Variants in SLC22A23 observed in about 807,000 individuals in gnomAD.
SLC22A23 encodes the protein ion transporter protein.
SLC22A23 carries 26 observed loss-of-function variants against 61.0 expected under a neutral mutation model. The ratio of observed to expected loss-of-function variants is 0.43; its 90% CI spans 0.31 to 0.59. The LOEUF (loss-of-function observed/expected upper bound fraction) is 0.59, where lower values mean the gene tolerates loss of function less well. Among genes scored for constraint, SLC22A23 ranks in the 20% least tolerant of loss-of-function variants. The pLI is 0.11. For synonymous variants in SLC22A23, 430 were observed against 413.9 expected, an observed-to-expected ratio of 1.04 and a Z score of -0.47; for missense variants, 796 against 934.7, an observed-to-expected ratio of 0.85 and a Z score of 1.94.
chr6:3,289,419 A>C (rs893169528), intron 6 of SLC22A23, among the ~76,000 whole-genome samples: 3 of 152,212 alleles, frequency 2.0e-5, no homozygotes, highest in Non-Finnish European at 4.4e-5. Flanking sequence ...ATGGGTCTCA[A>C]ATCCCCTGTC....
chr6:3,280,713 C>G (rs12181519), intron 9 of SLC22A23, among the ~76,000 whole-genome samples: 124,073 of 151,576 alleles, frequency 0.82, 52,189 homozygotes, highest in Non-Finnish European at 0.92. Flanking sequence ...TAGCCAGATC[C>G]TCTCGATCTC....
intron 3 of SLC22A23, among the ~76,000 whole-genome samples, chr6:3,362,352 G>A (rs1384970835): frequency 2.1e-5 from 3 of 142,980 alleles, no homozygotes; most frequent in East Asian, 4.2e-4. Context: ...GCAGTGAGCC[G>A]AGATCACACC....
chr6:3,384,742 A>G (rs1193178849), intron 3 of SLC22A23, among the ~76,000 whole-genome samples: 2 of 152,246 alleles, frequency 1.3e-5, no homozygotes, highest in Admixed American at 6.5e-5. Context: ...CAGCATTTCT[A>G]CTTCTGGGTA....
At chr6:3,402,192 G>A (rs1303681887) in intron 3 of SLC22A23, among the ~76,000 whole-genome samples, 3 of 152,034 alleles carry the variant, frequency 2.0e-5, no homozygotes, top group East Asian at 1.9e-4. Context: ...CTTCTTCCTC[G>A]CCTCACTACC....
intron 3 of SLC22A23, among the ~76,000 whole-genome samples, chr6:3,334,707 A>G (rs1763756686): frequency 1.3e-5 from 2 of 152,204 alleles, no homozygotes; most frequent in Non-Finnish European, 1.5e-5. Flanking sequence ...CTAGGGGCGG[A>G]GCCTGTGGCA....
chr6:3,324,023 G>A lies in SLC22A23; in HGVS notation c.914-21C>T. ...TATTCCTAGAACACAGAACCAATGA[G>A]AGAGAGATGAGTGCCCTGCTCGACA... On this transcript the variant is annotated intron_variant, in intron 3 of 9. Transcript: ENST00000406686. The surrounding 1 kb of genome is among the most constrained non-coding windows in gnomAD (Gnocchi z 4.3). 6.2e-7 allele frequency: 1 copy of A among 1,610,442 alleles called. No homozygotes were observed. Among genetic ancestry groups the A allele is most frequent in the African/African-American group, 1.3e-5 (1 of 75,018 alleles).
At chr6:3,371,817 T>C (rs1223654124) in intron 3 of SLC22A23, among the ~76,000 whole-genome samples, 3 of 152,186 alleles carry the variant, frequency 2.0e-5, no homozygotes, top group Non-Finnish European at 4.4e-5. Flanking sequence ...TTTTACAGTA[T>C]ATTATCTAAC....
chr6:3,439,282 G>A (rs565725714), intron 1 of SLC22A23: 4 of 445,780 alleles, frequency 9.0e-6, no homozygotes, highest in African/African-American at 8.1e-5. Context: ...ATGTTCTCTG[G>A]GAGCAAAATC....
Position 3,323,580 on chromosome 6 carries a change from C to G in SLC22A23, c.1082+254G>C, listed in dbSNP as rs993198232. 8 of 556,188 alleles carry G rather than the reference C, an allele frequency of 1.4e-5. No individual in the cohort carries two copies. In the South Asian group the frequency reaches 1.5e-4, roughly 10 times the overall value. The allele number at this position is 556,188 out of a possible 1,614,324, so 34.5% of individuals were successfully genotyped here. On this transcript the variant is annotated intron_variant, in intron 4 of 9. Transcript: ENST00000406686. ...GCAAGAAGGGGTGAGCCAGACTGGC[C>G]AGTGCATTTGCAGATTTTTGGAGCT... is the stretch of plus-strand genomic sequence containing the variant.
In SLC22A23 at chr6:3,415,904, C is replaced by T. The variant is rs531109592; in HGVS notation, c.655-49G>A. ...AAATCAGAGAGAAACATACACAGAG[C>T]TAGTCGTACTCAATTATAAGGGCAA... is the stretch of plus-strand genomic sequence containing the variant. On this transcript the variant is annotated intron_variant, in intron 1 of 9. Transcript: ENST00000406686. The T allele has an allele frequency of 1.8e-5, 24 of 1,362,180 alleles. No individual in the cohort carries two copies. The South Asian group carries it at 2.4e-4, about 14-fold the overall frequency. 84.4% of individuals were successfully genotyped at this position (1,362,180 alleles called of 1,614,324 possible).
intron 9 of SLC22A23, among the ~76,000 whole-genome samples, chr6:3,274,123 TCCCTGCCTTGTACGG>T (rs1758684495): frequency 1.3e-5 from 2 of 152,176 alleles, no homozygotes; most frequent in South Asian, 4.1e-4. Flanking sequence ...TGATTTCCAC[TCCCTGCCTTGTACGG>T]GAGCAGCCAA....
At chr6:3,311,067 G>A (rs1762343326) in intron 4 of SLC22A23, among the ~76,000 whole-genome samples, 1 of 152,242 alleles carries the variant, frequency 6.6e-6, no homozygotes, top group South Asian at 2.1e-4. Flanking sequence ...TCCACCTGCT[G>A]TGGACGGGCT....
At chr6:3,279,556 C>T (rs1759242234) in intron 9 of SLC22A23, among the ~76,000 whole-genome samples, 1 of 125,238 alleles carries the variant, frequency 8.0e-6, no homozygotes, top group African/African-American at 2.8e-5. Context: ...TCATTCAGTA[C>T]GATTAGGAAA....
At chr6:3,395,181 A>G (rs549547595) in intron 3 of SLC22A23, among the ~76,000 whole-genome samples, 11 of 152,330 alleles carry the variant, frequency 7.2e-5, no homozygotes, top group African/African-American at 2.2e-4. Context: ...GGTATTCTCA[A>G]TCATCTGGAT....
intron 1 of SLC22A23, among the ~76,000 whole-genome samples, chr6:3,431,678 C>T (rs569610851): frequency 6.6e-6 from 1 of 152,208 alleles, no homozygotes; most frequent in African/African-American, 2.4e-5. Context: ...TTTGAGAGCA[C>T]CTGAGAAGCA....
At chr6:3,428,540 C>A (rs1770654337) in intron 1 of SLC22A23, among the ~76,000 whole-genome samples, 1 of 152,224 alleles carries the variant, frequency 6.6e-6, no homozygotes, top group Non-Finnish European at 1.5e-5. Context: ...CAAAATAATT[C>A]TCTCCATTCA....
rs1166670777 is a variant in SLC22A23 at position 3,410,354 on chromosome 6, G to A, written c.759-12C>T. 5 of 1,575,436 alleles carry A rather than the reference G, an allele frequency of 3.2e-6. No individual in the cohort carries two copies. In the African/African-American group the frequency reaches 6.8e-5, roughly 22 times the overall value. On this transcript the variant is annotated splice_polypyrimidine_tract_variant and intron_variant, in intron 2 of 9. Transcript: ENST00000406686. This position sits in a 1 kb window ranked among gnomAD's most constrained non-coding sequence, Gnocchi z 5.0. ...GCCGCCGGCCGACCCTGCATATGGA[G>A]AGGGAAAAAGTTAGGAATCATTGTG...
chr6:3,353,148 T>C (rs971912420), intron 3 of SLC22A23, among the ~76,000 whole-genome samples: 1 of 152,244 alleles, frequency 6.6e-6, no homozygotes, highest in African/African-American at 2.4e-5. Context: ...GTATTATTAC[T>C]TCCCTGCTCA....
rs1048519731 is a variant in SLC22A23 at position 3,269,691 on chromosome 6, C to G, written c.*3364G>C. Reference sequence around the variant, plus strand: ...GGGAAGTGTTCGCCGCTAGACATGACACACCATACTGCTTTTCCAAAACAC... The same window carrying G: ...GGGAAGTGTTCGCCGCTAGACATGAGACACCATACTGCTTTTCCAAAACAC... On this transcript the variant is annotated 3_prime_UTR_variant, in exon 10 of 10. Coordinates refer to ENST00000406686, the MANE Select transcript of SLC22A23 (RefSeq NM_015482.2). The G allele has an allele frequency of 7.2e-5, 11 of 152,828 alleles. No homozygotes were observed. Among genetic ancestry groups the G allele is most frequent in the Admixed American group, 5.9e-4 (9 of 15,294 alleles). The allele number at this position is 152,828 out of a possible 1,614,324, so 9.5% of individuals were successfully genotyped here. A position where few individuals can be genotyped will look rare whatever the true frequency, so the allele number is the denominator to read the frequency against.
Sources: gnomAD v4.1 joint callset for allele counts (sites outside exome capture counted in the v4.1 genomes callset) on GRCh38, gnomAD v4.1.1 for gene constraint, Gnocchi (gnomAD v3.1) non-coding constraint, MANE v1.5 for transcripts, NCBI Gene and HGNC (gene_info 2026-07-23, HGNC 2026-07-21) for gene names.